Variants in MICU1 observed in about 807,000 individuals in gnomAD.
MICU1 encodes mitochondrial calcium uptake 1, also known as calcium uptake protein 1, mitochondrial.
In MICU1, 45 loss-of-function variants were observed where a neutral mutation model predicts 56.8. The ratio of observed to expected loss-of-function variants is 0.79; its 90% CI spans 0.62 to 1.02. The LOEUF (loss-of-function observed/expected upper bound fraction) is 1.02. Ranked by LOEUF, MICU1 falls within the 50% of genes least tolerant of loss-of-function variation. The pLI is 0.00. For missense variants in MICU1, 504 were observed against 587.1 expected (o/e 0.86, Z 1.46); for synonymous variants, 186 against 195.1 (o/e 0.95, Z 0.39).
intron 1 of MICU1, among the ~76,000 whole-genome samples, chr10:72,570,703 C>T (rs372731128): frequency 1.3e-5 from 2 of 152,222 alleles, no homozygotes; most frequent in East Asian, 3.9e-4. Flanking sequence ...AATGGAAAAA[C>T]TGTTAATCTT....
At chr10:72,620,696 A>T (rs1842083549) in intron 1 of MICU1, among the ~76,000 whole-genome samples, 1 of 152,196 alleles carries the variant, frequency 6.6e-6, no homozygotes, top group Non-Finnish European at 1.5e-5. Context: ...TGGGGGAAAA[A>T]AGCTGAGTCT....
rs554791349 is a variant in MICU1, at chr10:72,471,094, G to GT, written c.933+4005dup. On this transcript the variant is annotated intron_variant, in intron 8 of 11. Coordinates refer to ENST00000361114, the MANE Select transcript of MICU1 (RefSeq NM_001195518.2). ...CCCTCATGGGCATGCTACACAATATGTTTTTTTTTGAGACAGAATCTCACT... is the reference window on the plus strand; with the variant it reads ...CCCTCATGGGCATGCTACACAATATGTTTTTTTTTTGAGACAGAATCTCACT... 4.3e-3 allele frequency among the ~76,000 whole-genome samples: 653 copies of GT among 151,258 alleles called. 3 individuals carry two copies. Among genetic ancestry groups the GT allele is most frequent in the African/African-American group, 0.011 (449 of 41,244 alleles).
intron 8 of MICU1, among the ~76,000 whole-genome samples, chr10:72,433,806 A>G (rs188823590): frequency 6.6e-6 from 1 of 152,334 alleles, no homozygotes; most frequent in African/African-American, 2.4e-5. Context: ...ATTGACCTAC[A>G]GTTTCTTTAT....
intron 1 of MICU1, among the ~76,000 whole-genome samples, chr10:72,587,657 G>A (rs768105169): frequency 6.6e-6 from 1 of 151,856 alleles, no homozygotes; most frequent in Non-Finnish European, 1.5e-5. Context: ...GGTGGTGCAC[G>A]TCTGTAATCC....
At chr10:72,378,909 G>A (rs1862612386) in intron 10 of MICU1, among the ~76,000 whole-genome samples, 1 of 152,168 alleles carries the variant, frequency 6.6e-6, no homozygotes, top group South Asian at 2.1e-4. Flanking sequence ...GGGTGAGGTT[G>A]GGGTGGAAAT....
At chr10:72,406,751 C>T (rs1194710365) in intron 10 of MICU1, among the ~76,000 whole-genome samples, 5 of 151,982 alleles carry the variant, frequency 3.3e-5, no homozygotes, top group African/African-American at 9.7e-5. Context: ...CTCAGCCTTC[C>T]GAGTAGCTGG....
intron 6 of MICU1, among the ~76,000 whole-genome samples, chr10:72,505,077 G>A (rs1347841345): frequency 2.6e-5 from 4 of 151,760 alleles, no homozygotes; most frequent in African/African-American, 9.7e-5. Context: ...GGGTTCAAGT[G>A]ATTCTCCTGC....
At chr10:72,498,633 T>C (rs1866929675) in intron 6 of MICU1, among the ~76,000 whole-genome samples, 1 of 152,120 alleles carries the variant, frequency 6.6e-6, no homozygotes, top group Non-Finnish European at 1.5e-5. Context: ...ATTTACTCCC[T>C]GCTTTCCTGT....
chr10:72,503,901 T>C (rs913216781), intron 6 of MICU1, among the ~76,000 whole-genome samples: 15 of 133,150 alleles, frequency 1.1e-4, no homozygotes, highest in South Asian at 7.1e-4. Context: ...CACACACACA[T>C]ACACCCTAGG....
rs755044721 is a variant in MICU1, at chr10:72,375,875, G to GA, written c.1181-4dup. ...CCTGGCCACCTGCTGCATGGTCACT[G>GA]AAAAAAGAAAGAGGTGCATTAGCAC... On this transcript the variant is annotated splice_region_variant and splice_polypyrimidine_tract_variant and intron_variant, in intron 10 of 11. Coordinates refer to ENST00000361114, the MANE Select transcript of MICU1 (RefSeq NM_001195518.2). 872 of 1,594,202 alleles carry GA rather than the reference G, an allele frequency of 5.5e-4. 1 individual carries two copies. The highest frequency in any genetic ancestry group is 7.0e-4 in the Non-Finnish European group (820 of 1,168,500).
intron 8 of MICU1, among the ~76,000 whole-genome samples, chr10:72,428,907 A>G (rs1864435692): frequency 6.6e-6 from 1 of 152,230 alleles, no homozygotes; most frequent in Non-Finnish European, 1.5e-5. Context: ...GAAGTGACTA[A>G]GAATATGGAC....
chr10:72,432,566 G>A (rs1311523858), intron 8 of MICU1, among the ~76,000 whole-genome samples: 1 of 152,208 alleles, frequency 6.6e-6, no homozygotes, highest in Non-Finnish European at 1.5e-5. Flanking sequence ...TGCTTCTGGT[G>A]AAGGCTTCAG....
At chr10:72,523,009 T>A (rs925843224) in intron 5 of MICU1, among the ~76,000 whole-genome samples, 1 of 152,062 alleles carries the variant, frequency 6.6e-6, no homozygotes, top group Non-Finnish European at 1.5e-5. Flanking sequence ...CCTTAAACAG[T>A]GAAAGTTTAA....
At position 72,515,061 on chromosome 10, in the gene MICU1, C is replaced by T. The variant is rs182707999; in HGVS notation, c.538-6792G>A. ...GCTGATTCCTTAGGGAGCCACCAGA[C>T]AGGTTGATGCCCACATCCAGAGTCA... On this transcript the variant is annotated intron_variant, in intron 5 of 11. Transcript: ENST00000361114. Among the ~76,000 whole-genome samples, 181 of 152,324 alleles carry T rather than the reference C, an allele frequency of 1.2e-3. 1 individual carries two copies. The highest frequency in any genetic ancestry group is 3.4e-3 in the Middle Eastern group (1 of 294).
chr10:72,531,884 T>C lies in MICU1; in HGVS notation c.537+1862A>G, dbSNP rs1839495163. Among the ~76,000 whole-genome samples, 3 of 142,006 alleles carry C rather than the reference T, an allele frequency of 2.1e-5. No homozygotes were observed. In the Admixed American group the frequency reaches 2.1e-4, roughly 10 times the overall value. 93.2% of individuals were successfully genotyped at this position (142,006 alleles called of 152,430 possible). A position where few individuals can be genotyped will look rare whatever the true frequency, so the allele number is the denominator to read the frequency against. On this transcript the variant is annotated intron_variant, in intron 5 of 11. Transcript: ENST00000361114. ...AATTTATTCATTACATAAGGTTTTA[T>C]TTTTTTTTTTTTTAGTCCTTTATCT...
intron 10 of MICU1, among the ~76,000 whole-genome samples, chr10:72,382,780 A>G (rs1272534000): frequency 6.6e-6 from 1 of 152,098 alleles, no homozygotes; most frequent in African/African-American, 2.4e-5. Context: ...GTGGTGGCAC[A>G]TGCCTGTAAT....
chr10:72,405,137 G>A (rs1333087286), intron 10 of MICU1, among the ~76,000 whole-genome samples: 1 of 152,116 alleles, frequency 6.6e-6, no homozygotes, highest in Non-Finnish European at 1.5e-5. Context: ...TTGAACTCCT[G>A]ATCTCAGGTG....
intron 5 of MICU1, among the ~76,000 whole-genome samples, chr10:72,525,336 A>G (rs993717302): frequency 6.6e-6 from 1 of 152,176 alleles, no homozygotes. Context: ...TCCTATTCTA[A>G]CCACACTGAA....
chr10:72,556,286 GTAAAT>G (rs1840157177), intron 3 of MICU1, among the ~76,000 whole-genome samples: 1 of 152,126 alleles, frequency 6.6e-6, no homozygotes, highest in South Asian at 2.1e-4. Context: ...GTCTCATAAA[GTAAAT>G]TAATTTTTGG....
Sources: gnomAD v4.1 joint callset for allele counts (sites outside exome capture counted in the v4.1 genomes callset) on GRCh38, gnomAD v4.1.1 for gene constraint, MANE v1.5 for transcripts, NCBI Gene and HGNC (gene_info 2026-07-23, HGNC 2026-07-21) for gene names.